The following FREM3 variants were observed in gnomAD, a reference collection of about 807,000 sequenced individuals.
The protein encoded by FREM3 is FRAS1 related extracellular matrix 3, also known as FRAS1-related extracellular matrix protein 3.
FREM3 carries 105 observed loss-of-function variants against 129.1 expected under a neutral mutation model. The observed-to-expected ratio is 0.81, with a 90% CI of 0.69 to 0.96. FREM3 has a LOEUF of 0.96. FREM3 is among the 40% of genes least tolerant of loss of function. The probability of loss-of-function intolerance (pLI) is 0.00; values close to 1 mark genes in which losing one functional copy is unlikely to be tolerated. For synonymous variants in FREM3, 1,014 were observed against 1,044.9 expected, an observed-to-expected ratio of 0.97 and a Z score of 0.57; for missense variants, 2,593 against 2,666.3, an observed-to-expected ratio of 0.97 and a Z score of 0.61.
intron 2 of FREM3, among the ~76,000 whole-genome samples, chr4:143,653,494 G>T (rs1739547306): frequency 1.3e-5 from 2 of 152,150 alleles, no homozygotes; most frequent in Non-Finnish European, 2.9e-5. Flanking sequence ...ATTCTCTCTA[G>T]TGTGTGCCAG....
intron 2 of FREM3, among the ~76,000 whole-genome samples, chr4:143,675,177 T>G (rs1011447604): frequency 6.6e-6 from 1 of 151,874 alleles, no homozygotes; most frequent in African/African-American, 2.4e-5. Flanking sequence ...GAACAGAAAT[T>G]ATAACAAACA....
rs113547148 is a variant in FREM3 at position 143,679,525 on chromosome 4, C to T, written c.5275+13588G>A. Among the ~76,000 whole-genome samples, 268 of 152,162 alleles carry T rather than the reference C, an allele frequency of 1.8e-3. 1 individual carries two copies. The highest frequency in any genetic ancestry group is 5.8e-3 in the African/African-American group (241 of 41,530). ...CAGCGGTTTCAGCATAAAAGAAAAA[C>T]AATAAAATTAAATCACACAAAGGGA... is the stretch of plus-strand genomic sequence containing the variant. On this transcript the variant is annotated intron_variant, in intron 2 of 7. Coordinates refer to ENST00000329798, the MANE Select transcript of FREM3 (RefSeq NM_001168235.2).
chr4:143,655,101 A>T (rs1026794832), intron 2 of FREM3, among the ~76,000 whole-genome samples: 1 of 152,098 alleles, frequency 6.6e-6, no homozygotes, highest in Non-Finnish European at 1.5e-5. Context: ...AGCAGAAAGG[A>T]TCTGTAATTT....
chr4:143,624,195 T>A lies in FREM3; in HGVS notation c.5566A>T (p.Thr1856Ser), dbSNP rs1389418957. The A allele has an allele frequency of 3.3e-6, 5 of 1,536,830 alleles. No homozygotes were observed. In the East Asian group the frequency reaches 1.2e-4, roughly 38 times the overall value. The change falls in exon 4 of 8, where the codon ACC becomes TCC. Residue 1856 changes from threonine (T) to serine (S), a missense_variant. Transcript: ENST00000329798. ...IPDNEYETSE[T>S]FQIILSEPLM... ...GGTTCAGACAGAATGATCTGGAAGG[T>A]CTCTGAAGTCTCATATTCATTGTCA... is the stretch of plus-strand genomic sequence containing the variant.
chr4:143,611,916 G>T (rs1738763751), intron 5 of FREM3, among the ~76,000 whole-genome samples: 1 of 152,094 alleles, frequency 6.6e-6, no homozygotes, highest in South Asian at 2.1e-4. Flanking sequence ...TCCTGCTACT[G>T]CTCTACCCAC....
intron 6 of FREM3, among the ~76,000 whole-genome samples, chr4:143,592,275 C>A (rs1275922928): frequency 6.6e-6 from 1 of 152,150 alleles, no homozygotes; most frequent in Non-Finnish European, 1.5e-5. Flanking sequence ...GAATTTGATC[C>A]TGTCATTATG....
intron 2 of FREM3, among the ~76,000 whole-genome samples, chr4:143,657,779 T>G (rs1375988): frequency 0.77 from 116,235 of 151,794 alleles, 44,812 homozygotes; most frequent in East Asian, 0.94. Flanking sequence ...TATAGGATTT[T>G]CCCAAAGCCA....
chr4:143,676,827 A>G (rs1426072521), intron 2 of FREM3, among the ~76,000 whole-genome samples: 2 of 152,072 alleles, frequency 1.3e-5, no homozygotes, highest in African/African-American at 2.4e-5. Context: ...TAAGAATCCA[A>G]CTTACAAGGG....
intron 2 of FREM3, among the ~76,000 whole-genome samples, chr4:143,686,222 G>A (rs758908681): frequency 2.6e-5 from 4 of 152,124 alleles, no homozygotes; most frequent in Non-Finnish European, 5.9e-5. Context: ...CGTTAGAAGC[G>A]ACAAAGAGAG....
chr4:143,696,790 G>C lies in FREM3; in HGVS notation c.3886C>G (p.Pro1296Ala). 7 of 1,537,754 alleles carry C rather than the reference G, an allele frequency of 4.6e-6. No homozygotes were observed. Among genetic ancestry groups the C allele is most frequent in the Non-Finnish European group, 6.1e-6 (7 of 1,147,048 alleles). Residue 1296 changes from proline (P) to alanine (A), a missense_variant, in exon 1 of 8, where the codon CCC (proline) becomes GCC (alanine). Coordinates refer to ENST00000329798, the MANE Select transcript of FREM3 (RefSeq NM_001168235.2). ...TCATCCACTAGGGTCACTACAATGG[G>C]TACCTTCCTGTGGGTTGTGTGCTTG... ...DGKHTTHRKV[P>A]IVVTLVDDET...
At chr4:143,618,349 C>G (rs75129779) in intron 5 of FREM3, among the ~76,000 whole-genome samples, 1,242 of 117,902 alleles carry the variant, frequency 0.011, 21 homozygotes, top group African/African-American at 0.037. Context: ...GACACCTGAG[C>G]CTTGACCCCG....
intron 2 of FREM3, among the ~76,000 whole-genome samples, chr4:143,685,675 A>C (rs1370587610): frequency 6.6e-6 from 1 of 152,262 alleles, no homozygotes. Context: ...TTCACATTTC[A>C]ATACTTACAT....
intron 6 of FREM3, among the ~76,000 whole-genome samples, chr4:143,591,086 C>T (rs1738351585): frequency 6.6e-6 from 1 of 152,116 alleles, no homozygotes; most frequent in Non-Finnish European, 1.5e-5. Flanking sequence ...GTGGTGATAT[C>T]CCCTTTGTCA....
Position 143,624,182 on chromosome 4 carries a change from AT to A in FREM3, c.5578del (p.Ile1860PhefsTer21). The A allele has an allele frequency of 6.5e-7, 1 of 1,537,004 alleles. No homozygotes were observed. Among genetic ancestry groups the A allele is most frequent in the Non-Finnish European group, 8.7e-7 (1 of 1,146,692 alleles). ...TACAGCCATGAGAGGTTCAGACAGA[AT>A]GATCTGGAAGGTCTCTGAAGTCTCA... is the stretch of plus-strand genomic sequence containing the variant. ...EYETSETFQI[I>X]LSEPLMAVLE... On this transcript the variant is annotated frameshift_variant, in exon 4 of 8. Coordinates refer to ENST00000329798, the MANE Select transcript of FREM3 (RefSeq NM_001168235.2). LOFTEE classifies it high-confidence loss of function.
chr4:143,673,685 C>T (rs918184627), intron 2 of FREM3, among the ~76,000 whole-genome samples: 4 of 152,252 alleles, frequency 2.6e-5, no homozygotes, highest in African/African-American at 7.2e-5. Flanking sequence ...GCCCTGCCCC[C>T]AGAGGTAGAG....
At chr4:143,652,448 C>A (rs1739529602) in intron 2 of FREM3, among the ~76,000 whole-genome samples, 3 of 39,778 alleles carry the variant, frequency 7.5e-5, no homozygotes, top group African/African-American at 1.7e-4. Flanking sequence ...AGGCGTGAGC[C>A]ACCGCGCCCG....
chr4:143,662,502 T>C (rs1278725821), intron 2 of FREM3, among the ~76,000 whole-genome samples: 2 of 148,238 alleles, frequency 1.3e-5, no homozygotes, highest in African/African-American at 4.9e-5. Flanking sequence ...AGAGCTTTAC[T>C]TCCAACTATG....
rs373659841 is a variant in FREM3, at chr4:143,670,901, G to A, written c.5275+22212C>T. 2.8e-4 allele frequency among the ~76,000 whole-genome samples: 42 copies of A among 152,084 alleles called. No individual in the cohort carries two copies. In the East Asian group the frequency reaches 6.6e-3, roughly 24 times the overall value. On this transcript the variant is annotated intron_variant, in intron 2 of 7. Coordinates refer to ENST00000329798, the MANE Select transcript of FREM3 (RefSeq NM_001168235.2). Reference sequence around the variant, plus strand: ...AAAATAAATTATAATGAAAAAATAAGCCTGTGTTTCATTTTTATGGAGAGA... The same window carrying A: ...AAAATAAATTATAATGAAAAAATAAACCTGTGTTTCATTTTTATGGAGAGA...
intron 6 of FREM3, among the ~76,000 whole-genome samples, chr4:143,595,889 GAAA>G (rs70953742): frequency 0.016 from 1,819 of 110,668 alleles, 67 homozygotes; most frequent in African/African-American, 0.062. Context: ...CGCCATCTCA[GAAA>G]AAAAAAAAAA....
Sources: allele counts gnomAD v4.1 joint callset (sites outside exome capture counted in the v4.1 genomes callset), GRCh38; gene constraint gnomAD v4.1.1; transcripts MANE v1.5; gene names NCBI Gene and HGNC (gene_info 2026-07-23, HGNC 2026-07-21).